WWOX: variants seen among roughly 807,000 people sequenced by gnomAD.
WWOX encodes the protein WW domain containing oxidoreductase, also known as WW domain-containing oxidoreductase.
In WWOX, 69 loss-of-function variants were observed where a neutral mutation model predicts 46.2. The observed-to-expected ratio is 1.49, with a 90% CI of 1.23 to 1.82. WWOX has a LOEUF of 1.82. Ranked by LOEUF, WWOX falls within the 40% of genes most tolerant of loss-of-function variation. The pLI is 0.00. For synonymous variants in WWOX, 359 were observed against 202.6 expected (o/e 1.77, Z -6.56); for missense variants, 919 against 542.6 (o/e 1.69, Z -6.89).
intron 8 of WWOX, among the ~76,000 whole-genome samples, chr16:79,139,722 T>C (rs1331393186): frequency 6.6e-6 from 1 of 152,176 alleles, no homozygotes; most frequent in East Asian, 1.9e-4. Context: ...AAGCTGACTT[T>C]CACCAGAATG....
At position 78,100,885 on chromosome 16, in the gene WWOX, A is replaced by G. The variant is rs186282043; in HGVS notation, c.107+1000A>G. On this transcript the variant is annotated intron_variant, in intron 1 of 8. Transcript: ENST00000566780. Reference sequence around the variant, plus strand: ...CGTTTTGGGTCTCCATAGAGAACCTACTGTAGCCGACTCTCAACTTTGGGA... The same window carrying G: ...CGTTTTGGGTCTCCATAGAGAACCTGCTGTAGCCGACTCTCAACTTTGGGA... Among the ~76,000 whole-genome samples, 213 of 152,232 alleles carry G rather than the reference A, an allele frequency of 1.4e-3. 2 individuals carry two copies. Among genetic ancestry groups the G allele is most frequent in the Admixed American group, 9.0e-3 (138 of 15,300 alleles).
At chr16:78,991,600 C>CAAAAAA (rs57514915) in intron 8 of WWOX, among the ~76,000 whole-genome samples, 1,487 of 78,156 alleles carry the variant, frequency 0.019, 122 homozygotes, top group Admixed American at 0.074. Context: ...GACCTTGTCT[C>CAAAAAA]AAAAAAAAAA....
At chr16:78,996,510 C>G (rs1370747232) in intron 8 of WWOX, among the ~76,000 whole-genome samples, 1 of 152,038 alleles carries the variant, frequency 6.6e-6, no homozygotes, top group Non-Finnish European at 1.5e-5. Context: ...CATTCTCTCC[C>G]TTTCCCTCTC....
At chr16:78,521,401 G>A (rs2043345273) in intron 8 of WWOX, among the ~76,000 whole-genome samples, 1 of 151,986 alleles carries the variant, frequency 6.6e-6, no homozygotes, top group African/African-American at 2.4e-5. Flanking sequence ...TGGTGATGGG[G>A]ATATTCCAGC....
intron 8 of WWOX, among the ~76,000 whole-genome samples, chr16:79,063,215 C>G (rs560063193): frequency 6.6e-6 from 1 of 152,176 alleles, no homozygotes; most frequent in East Asian, 1.9e-4. Flanking sequence ...TGAAATAGAC[C>G]TCGAGGTATT....
intron 8 of WWOX, among the ~76,000 whole-genome samples, chr16:79,180,382 A>G (rs961831670): frequency 7.2e-5 from 11 of 152,228 alleles, no homozygotes; most frequent in African/African-American, 2.7e-4. Context: ...TCTATCCGTT[A>G]ACAGGTTTAT....
At chr16:78,899,695 ACTT>A (rs2044781145) in intron 8 of WWOX, 1 of 152,220 alleles carries the variant, frequency 6.6e-6, no homozygotes, top group Non-Finnish European at 1.5e-5. Context: ...GAACGGCTCT[ACTT>A]CTTCATATTC....
At chr16:79,008,951 G>C (rs953537172) in intron 8 of WWOX, among the ~76,000 whole-genome samples, 16 of 152,214 alleles carry the variant, frequency 1.1e-4, no homozygotes, top group African/African-American at 3.4e-4. Context: ...GGATGCCTTG[G>C]CCAGGTATTG....
At chr16:78,953,642 A>C (rs991810374) in intron 8 of WWOX, among the ~76,000 whole-genome samples, 1 of 151,742 alleles carries the variant, frequency 6.6e-6, no homozygotes, top group African/African-American at 2.4e-5. Context: ...GTACTTCAAA[A>C]CCTCTTATTG....
At chr16:79,160,890 T>C (rs57400204) in intron 8 of WWOX, among the ~76,000 whole-genome samples, 8 of 26,588 alleles carry the variant, frequency 3.0e-4, no homozygotes, top group Admixed American at 5.3e-4. Flanking sequence ...CATACACATA[T>C]ACATATACAC....
At chr16:78,426,718 C>T (rs2083087288) in intron 7 of WWOX, among the ~76,000 whole-genome samples, 1 of 152,154 alleles carries the variant, frequency 6.6e-6, no homozygotes, top group Non-Finnish European at 1.5e-5. Context: ...GGCTGCAGTG[C>T]AGTGGCATGA....
chr16:79,166,950 AT>A (rs934919383), intron 8 of WWOX, among the ~76,000 whole-genome samples: 12 of 151,422 alleles, frequency 7.9e-5, no homozygotes, highest in African/African-American at 2.7e-4. Flanking sequence ...TATAATAATT[AT>A]TTTTTTTTGA....
intron 8 of WWOX, among the ~76,000 whole-genome samples, chr16:78,695,407 C>T (rs1031480999): frequency 6.6e-6 from 1 of 152,082 alleles, no homozygotes; most frequent in African/African-American, 2.4e-5. Context: ...CCCTATTTGC[C>T]GTGTCTCTTT....
chr16:79,164,624 C>G (rs1478233756), intron 8 of WWOX, among the ~76,000 whole-genome samples: 2 of 152,282 alleles, frequency 1.3e-5, no homozygotes, highest in African/African-American at 2.4e-5. Context: ...ACTCCCCTCA[C>G]TCTAACCTTG....
At chr16:78,315,758 A>T (rs1042860754) in intron 5 of WWOX, among the ~76,000 whole-genome samples, 1 of 152,162 alleles carries the variant, frequency 6.6e-6, no homozygotes, top group Admixed American at 6.5e-5. Flanking sequence ...TCATCCTTAC[A>T]ATGACTCCAT....
chr16:78,223,452 T>G (rs1343878720), intron 5 of WWOX, among the ~76,000 whole-genome samples: 1 of 152,030 alleles, frequency 6.6e-6, no homozygotes, highest in Non-Finnish European at 1.5e-5. Flanking sequence ...ATGCCAGGGA[T>G]GTGTTGATGG....
At chr16:79,112,464 A>G (rs1345720275) in intron 8 of WWOX, among the ~76,000 whole-genome samples, 1 of 152,152 alleles carries the variant, frequency 6.6e-6, no homozygotes, top group East Asian at 1.9e-4. Flanking sequence ...GCTTCCCCAG[A>G]TGCCTGCGTG....
At chr16:79,110,312 T>A (rs2049392780) in intron 8 of WWOX, among the ~76,000 whole-genome samples, 1 of 151,996 alleles carries the variant, frequency 6.6e-6, no homozygotes, top group African/African-American at 2.4e-5. Context: ...CCTCTTACCT[T>A]TTTCTCCCCG....
At chr16:78,437,147 G>C (rs937370737) in intron 8 of WWOX, among the ~76,000 whole-genome samples, 13 of 152,286 alleles carry the variant, frequency 8.5e-5, no homozygotes, top group Admixed American at 2.6e-4. Flanking sequence ...ACTTGCGCTC[G>C]GAAGCCCTGC....
Sources: allele counts gnomAD v4.1 joint callset (sites outside exome capture counted in the v4.1 genomes callset), GRCh38; gene constraint gnomAD v4.1.1; transcripts MANE v1.5; gene names NCBI Gene and HGNC (gene_info 2026-07-23, HGNC 2026-07-21).